The following AFF3 variants were observed in gnomAD, a reference collection of about 807,000 sequenced individuals.
AFF3 encodes AF4/FMR2 family member 3.
In AFF3, 32 loss-of-function variants were observed where a neutral mutation model predicts 129.7. The observed-to-expected ratio is 0.25, with a 90% CI of 0.19 to 0.33. The LOEUF (loss-of-function observed/expected upper bound fraction) is 0.33, where lower values mean the gene tolerates loss of function less well. AFF3 is among the 10% of genes least tolerant of loss of function. The pLI, the probability that AFF3 is intolerant of heterozygous loss-of-function variation, is 1.00. For missense variants in AFF3, 1,373 were observed against 1,592.0 expected (o/e 0.86, Z 2.34); for synonymous variants, 644 against 635.4 (o/e 1.01, Z -0.20).
intron 4 of AFF3, among the ~76,000 whole-genome samples, chr2:100,024,624 T>TA (rs1683888991): frequency 1.3e-5 from 2 of 150,988 alleles, no homozygotes; most frequent in South Asian, 2.1e-4. Context: ...TAATAATAAT[T>TA]ATTATTATTA....
Position 99,652,925 on chromosome 2 carries a change from G to A in AFF3, c.1144-3259C>T, listed in dbSNP as rs560236647. ...TGATAAGGAGAGCTGAGGGAGCAGC[G>A]AGAGGCAGGGGAAGAGGACCGGAGC... On this transcript the variant is annotated intron_variant, in intron 12 of 24. Transcript: ENST00000672756. 3.9e-5 allele frequency among the ~76,000 whole-genome samples: 6 copies of A among 152,300 alleles called. No homozygotes were observed. In the East Asian group the frequency reaches 9.7e-4, roughly 25 times the overall value.
intron 7 of AFF3, among the ~76,000 whole-genome samples, chr2:99,888,965 C>T (rs13423929): frequency 0.89 from 135,349 of 152,236 alleles, 60,376 homozygotes; most frequent in African/African-American, 0.97. Context: ...AAGTGGTGGA[C>T]GGAAGAATTA....
chr2:100,047,120 G>A (rs1356203868), intron 4 of AFF3, among the ~76,000 whole-genome samples: 7 of 152,160 alleles, frequency 4.6e-5, no homozygotes, highest in Admixed American at 2.0e-4. Context: ...TCTTGGTCCC[G>A]ACGGCCACGT....
intron 9 of AFF3, among the ~76,000 whole-genome samples, chr2:99,748,988 T>C (rs997165030): frequency 1.3e-5 from 2 of 152,206 alleles, no homozygotes; most frequent in African/African-American, 4.8e-5. Context: ...TGGCTTTCTG[T>C]GTCTGGCTTA....
chr2:99,670,494 T>A (rs1404353132), intron 12 of AFF3, among the ~76,000 whole-genome samples: 1 of 151,804 alleles, frequency 6.6e-6, no homozygotes, highest in Non-Finnish European at 1.5e-5. Context: ...TTATGTTAAA[T>A]GTTCAATTAT....
In AFF3 at chr2:100,006,991, G is replaced by A. The variant is rs1449240047; in HGVS notation, c.514C>T (p.Leu172Phe). 1 of 1,612,026 alleles carries A rather than the reference G, an allele frequency of 6.2e-7. No individual in the cohort carries two copies. The highest frequency in any genetic ancestry group is 1.7e-5 in the Admixed American group (1 of 59,950). Residue 172 changes from leucine (L) to phenylalanine (F), a missense_variant, in exon 7 of 25, where the codon CTT becomes TTT. Leu to Phe is a conservative substitution (Grantham distance 22). Transcript: ENST00000672756. ...ATQQGSLRTL[L>F]GDGVGRQQPR... Reference sequence around the variant, plus strand: ...TGCTGTCTGCCAACACCATCTCCAAGCAAGGTCCTGAGAGAGCCCTGTTGT... The same window carrying A: ...TGCTGTCTGCCAACACCATCTCCAAACAAGGTCCTGAGAGAGCCCTGTTGT...
At position 99,692,691 on chromosome 2, in the gene AFF3, C is replaced by G. The variant is rs192063105; in HGVS notation, c.1092-20102G>C. Among the ~76,000 whole-genome samples the G allele has an allele frequency of 2.0e-5, 3 of 152,338 alleles. No homozygotes were observed. The East Asian group carries it at 5.8e-4, about 29-fold the overall frequency. ...ACATTCCTGCCTTCCCCGACCTTCC[C>G]TCTTCTCTGAACCCTATGGAGGATA... On this transcript the variant is annotated intron_variant, in intron 11 of 24. Transcript: ENST00000672756.
chr2:100,125,693 C>T (rs1692154760), intron 2 of AFF3, among the ~76,000 whole-genome samples: 1 of 152,026 alleles, frequency 6.6e-6, no homozygotes, highest in South Asian at 2.1e-4. Context: ...AGGGGGTGGT[C>T]ACCTTGGGGA....
chr2:100,067,892 A>T (rs1242569588), intron 4 of AFF3, among the ~76,000 whole-genome samples: 1 of 152,232 alleles, frequency 6.6e-6, no homozygotes, highest in Non-Finnish European at 1.5e-5. Context: ...CAACACAAAC[A>T]GAGTGCCAGC....
chr2:99,607,951 C>A (rs562891468), intron 13 of AFF3, among the ~76,000 whole-genome samples: 9 of 152,264 alleles, frequency 5.9e-5, no homozygotes, highest in African/African-American at 2.2e-4. Flanking sequence ...TTTGCTATTG[C>A]TAAGAATTGT....
intron 7 of AFF3, among the ~76,000 whole-genome samples, chr2:99,846,365 G>A (rs988984691): frequency 2.0e-5 from 3 of 151,186 alleles, no homozygotes; most frequent in Non-Finnish European, 2.9e-5. Context: ...CCTGACCTCA[G>A]GTGATCTGCC....
intron 1 of AFF3, among the ~76,000 whole-genome samples, chr2:100,134,482 G>A (rs1271009121): frequency 1.3e-5 from 2 of 151,918 alleles, no homozygotes; most frequent in African/African-American, 2.4e-5. Context: ...ATCTTTTTAT[G>A]TTTTTGTGGC....
intron 7 of AFF3, among the ~76,000 whole-genome samples, chr2:99,884,060 C>T (rs994968581): frequency 2.0e-5 from 3 of 152,152 alleles, no homozygotes; most frequent in Admixed American, 2.0e-4. Context: ...CACTGTGATA[C>T]TAAAGGTACA....
chr2:99,814,440 G>A (rs1409016857), intron 8 of AFF3, among the ~76,000 whole-genome samples: 2 of 152,294 alleles, frequency 1.3e-5, no homozygotes, highest in Non-Finnish European at 2.9e-5. Context: ...CTGAGTTGGA[G>A]CACGCATAGG....
At chr2:99,822,576 C>G (rs2105695414) in intron 8 of AFF3, among the ~76,000 whole-genome samples, 1 of 152,254 alleles carries the variant, frequency 6.6e-6, no homozygotes, top group Non-Finnish European at 1.5e-5. Flanking sequence ...CACTCTGTCC[C>G]CTGCTTATTC....
At chr2:99,981,238 G>T (rs981495163) in intron 7 of AFF3, among the ~76,000 whole-genome samples, 6 of 151,968 alleles carry the variant, frequency 3.9e-5, no homozygotes, top group African/African-American at 1.5e-4. Context: ...GGCTGGTCTT[G>T]AACTCCCAAC....
intron 4 of AFF3, among the ~76,000 whole-genome samples, chr2:100,067,658 G>A (rs759732131): frequency 5.3e-4 from 80 of 152,140 alleles, no homozygotes; most frequent in Non-Finnish European, 1.0e-3. Context: ...GTTTTCTGTA[G>A]CACATTTTTC....
chr2:99,827,886 G>C (rs1191985583), intron 8 of AFF3, among the ~76,000 whole-genome samples: 1 of 152,002 alleles, frequency 6.6e-6, no homozygotes, highest in Non-Finnish European at 1.5e-5. Context: ...GTGACTGTCT[G>C]ATGCCACTGG....
intron 7 of AFF3, among the ~76,000 whole-genome samples, chr2:99,839,273 C>A (rs1211645596): frequency 2.0e-5 from 3 of 152,102 alleles, no homozygotes; most frequent in South Asian, 2.1e-4. Context: ...CCATGCCCAG[C>A]TAATTTTTGT....
Sources: allele counts gnomAD v4.1 joint callset (sites outside exome capture counted in the v4.1 genomes callset), GRCh38; gene constraint gnomAD v4.1.1; transcripts MANE v1.5; gene names NCBI Gene and HGNC (gene_info 2026-07-23, HGNC 2026-07-21).